The following AFG2A variants were observed in gnomAD, a reference collection of about 807,000 sequenced individuals.
The protein encoded by AFG2A is AAA ATPase AFG2A.
At chr4:123,210,766 G>A in the AFG2A span, among the ~76,000 whole-genome samples, 1 of 151,928 alleles carries the variant, frequency 6.6e-6, no homozygotes, top group South Asian at 2.1e-4. Flanking sequence ...GACCCTCTGT[G>A]CTGTTTTCTG....
the AFG2A span, among the ~76,000 whole-genome samples, chr4:122,987,653 T>C: frequency 3.4e-3 from 513 of 152,276 alleles, 3 homozygotes; most frequent in Middle Eastern, 0.014. Flanking sequence ...CAGTCTATTT[T>C]AAGCTGTTAA....
chr4:123,079,975 G>A, the AFG2A span, among the ~76,000 whole-genome samples: 6 of 151,642 alleles, frequency 4.0e-5, no homozygotes, highest in Non-Finnish European at 5.9e-5. Flanking sequence ...GGTCTCGATC[G>A]CCTGACTTCG....
At chr4:122,965,483 C>G in the AFG2A span, among the ~76,000 whole-genome samples, 1 of 152,192 alleles carries the variant, frequency 6.6e-6, no homozygotes, top group Non-Finnish European at 1.5e-5. Flanking sequence ...ACATTTGGCT[C>G]TCTAAAGCAT....
chr4:122,937,850 G>A, the AFG2A span, among the ~76,000 whole-genome samples: 1 of 152,090 alleles, frequency 6.6e-6, no homozygotes, highest in Non-Finnish European at 1.5e-5. Flanking sequence ...GCATTACTGG[G>A]GAGAGTTCTT....
chr4:123,289,199 C>T, the AFG2A span, among the ~76,000 whole-genome samples: 1 of 152,218 alleles, frequency 6.6e-6, no homozygotes, highest in East Asian at 1.9e-4. Context: ...CTCCAGTGTC[C>T]ATTATACAAT....
At chr4:123,005,308 G>A in the AFG2A span, among the ~76,000 whole-genome samples, 3 of 151,944 alleles carry the variant, frequency 2.0e-5, no homozygotes, top group East Asian at 3.9e-4. Context: ...GCACCATCAC[G>A]CCTGGCTAAT....
the AFG2A span, among the ~76,000 whole-genome samples, chr4:123,169,891 A>T: frequency 6.6e-6 from 1 of 152,338 alleles, no homozygotes; most frequent in Non-Finnish European, 1.5e-5. Context: ...TATGGTTGGT[A>T]TAGTTTCTGG....
the AFG2A span, among the ~76,000 whole-genome samples, chr4:122,945,722 A>G: frequency 1.2e-3 from 186 of 152,058 alleles, 1 homozygote; most frequent in Non-Finnish European, 2.3e-3. Context: ...TACAGAAATC[A>G]CCTGTCTTCT....
the AFG2A span, among the ~76,000 whole-genome samples, chr4:123,082,523 C>CTTTTTTTTTTTTTTTTTTTTTTTTTTCT: frequency 7.1e-6 from 1 of 141,262 alleles, no homozygotes; most frequent in Non-Finnish European, 1.5e-5. Flanking sequence ...TCTCTTTTTT[C>CTTTTTTTTTTTTTTTTTTTTTTTTTTCT]TTTTTTTTTT....
chr4:123,061,016 G>GTT, the AFG2A span, among the ~76,000 whole-genome samples: 1 of 152,116 alleles, frequency 6.6e-6, no homozygotes, highest in Non-Finnish European at 1.5e-5. Context: ...ATTTACTCCA[G>GTT]TTTCCAACAT....
chr4:123,133,616 G>T, the AFG2A span, among the ~76,000 whole-genome samples: 2 of 151,986 alleles, frequency 1.3e-5, no homozygotes, highest in Non-Finnish European at 2.9e-5. Flanking sequence ...CCCAGTAGTG[G>T]GATTGCTGAA....
At chr4:122,926,070 C>T in the AFG2A span, among the ~76,000 whole-genome samples, 1 of 152,070 alleles carries the variant, frequency 6.6e-6, no homozygotes, top group African/African-American at 2.4e-5. Context: ...CTTGAGTAGA[C>T]CTATATAGTG....
the AFG2A span, chr4:122,936,030 G>T: frequency 1.4e-6 from 2 of 1,396,678 alleles, no homozygotes; most frequent in Admixed American, 2.4e-5. Context: ...TGAAAATTTA[G>T]GTTAGCTTTT....
the AFG2A span, among the ~76,000 whole-genome samples, chr4:123,149,542 T>TGTGC: frequency 6.6e-6 from 1 of 152,196 alleles, no homozygotes; most frequent in East Asian, 1.9e-4. Context: ...GGCTCTAAGG[T>TGTGC]GTGCATCTGA....
the AFG2A span, among the ~76,000 whole-genome samples, chr4:122,924,313 G>A: frequency 4.6e-5 from 7 of 152,124 alleles, no homozygotes; most frequent in African/African-American, 1.7e-4. Flanking sequence ...AAATGGAGTG[G>A]TCTCTGCCGC....
chr4:123,107,009 C>T, the AFG2A span, among the ~76,000 whole-genome samples: 1 of 152,270 alleles, frequency 6.6e-6, no homozygotes, highest in East Asian at 1.9e-4. Context: ...GTGGCTGGAC[C>T]AGATGTACTG....
chr4:123,177,337 C>T, the AFG2A span, among the ~76,000 whole-genome samples: 3 of 149,562 alleles, frequency 2.0e-5, no homozygotes, highest in African/African-American at 4.9e-5. Context: ...GGACTACAGG[C>T]ATGCACCACC....
chr4:123,298,133 T>A, the AFG2A span, among the ~76,000 whole-genome samples: 1 of 131,672 alleles, frequency 7.6e-6, no homozygotes, highest in Non-Finnish European at 1.7e-5. Flanking sequence ...ACACACACAC[T>A]TGATTTGGTG....
chr4:123,282,808 G>A, the AFG2A span, among the ~76,000 whole-genome samples: 3 of 148,372 alleles, frequency 2.0e-5, no homozygotes, highest in Admixed American at 6.8e-5. Context: ...AGAAGCAGGG[G>A]GGAGAAAAGA....
Sources: gnomAD v4.1 joint callset for allele counts (sites outside exome capture counted in the v4.1 genomes callset) on GRCh38, gnomAD v4.1.1 for gene constraint, MANE v1.5 for transcripts, NCBI Gene and HGNC (gene_info 2026-07-23, HGNC 2026-07-21) for gene names.